TMPRSS15: variants seen among roughly 807,000 people sequenced by gnomAD.
The protein encoded by TMPRSS15 is enteropeptidase.
In TMPRSS15, 128 loss-of-function variants were observed where a neutral mutation model predicts 125.3. That is an observed-to-expected ratio of 1.02 (90% CI 0.89 to 1.18). The LOEUF is 1.18. TMPRSS15 is among the 50% of genes most tolerant of loss of function. The pLI is 0.00. For synonymous variants in TMPRSS15, 446 were observed against 423.2 expected, an observed-to-expected ratio of 1.05 and a Z score of -0.66; for missense variants, 1,283 against 1,212.7, an observed-to-expected ratio of 1.06 and a Z score of -0.86.
At chr21:18,334,417 A>G (rs1165147858) in intron 13 of TMPRSS15, among the ~76,000 whole-genome samples, 1 of 152,156 alleles carries the variant, frequency 6.6e-6, no homozygotes, top group Non-Finnish European at 1.5e-5. Context: ...ATGTTATCTC[A>G]TATGGGGAGA....
At chr21:18,367,906 A>AAT (rs765873849) in intron 6 of TMPRSS15, among the ~76,000 whole-genome samples, 61 of 152,190 alleles carry the variant, frequency 4.0e-4, no homozygotes, top group East Asian at 1.2e-3. Flanking sequence ...CTAATATCAC[A>AAT]ATATATATAT....
chr21:18,313,152 A>G, intron 17 of TMPRSS15, 75 bp from the exon 18 acceptor site: 2 of 995,620 alleles, frequency 2.0e-6, no homozygotes, highest in Non-Finnish European at 3.2e-6. Flanking sequence ...TCGTTCAAAG[A>G]GTACAGAGCT....
At position 18,289,024 on chromosome 21, in the gene TMPRSS15, G is replaced by A. The variant is rs182309862; in HGVS notation, c.2486+5246C>T. Among the ~76,000 whole-genome samples the A allele has an allele frequency of 1.1e-4, 17 of 152,058 alleles. No homozygotes were observed. In the East Asian group the frequency reaches 1.4e-3, roughly 12 times the overall value. On this transcript the variant is annotated intron_variant, in intron 21 of 24. Coordinates refer to ENST00000284885, the MANE Select transcript of TMPRSS15 (RefSeq NM_002772.3). ...TAGGATAAGTTTAAGAAGAAATTAA[G>A]TATTTAAAAATTATTGAATTGATAT...
intron 1 of TMPRSS15, among the ~76,000 whole-genome samples, chr21:18,436,443 T>G (rs1191010028): frequency 6.6e-6 from 1 of 152,144 alleles, no homozygotes; most frequent in African/African-American, 2.4e-5. Flanking sequence ...TGAGTGGTTT[T>G]GAGTGAGTTT....
intron 1 of TMPRSS15, among the ~76,000 whole-genome samples, chr21:18,446,065 A>G (rs542667495): frequency 3.3e-5 from 5 of 152,308 alleles, no homozygotes; most frequent in African/African-American, 1.2e-4. Flanking sequence ...AAACCTCAAG[A>G]CTCAACCAAA....
chr21:18,280,575 C>CAAAAAAAAAAAAAAAAAAAAAAAAAA (rs1230513414), intron 22 of TMPRSS15, among the ~76,000 whole-genome samples: 17 of 48,342 alleles, frequency 3.5e-4, no homozygotes, highest in African/African-American at 1.6e-3. Flanking sequence ...GACTCCGTCT[C>CAAAAAAAAAAAAAAAAAAAAAAAAAA]AAAAAAAAAA....
At chr21:18,397,786 C>A in intron 3 of TMPRSS15, 93 bp downstream of exon 3, 3 of 648,284 alleles carry the variant, frequency 4.6e-6, no homozygotes, top group East Asian at 3.0e-5. Flanking sequence ...TTTAAATATT[C>A]CTCTTTTCCT....
intron 1 of TMPRSS15, among the ~76,000 whole-genome samples, chr21:18,461,186 C>T (rs1036651970): frequency 2.0e-5 from 3 of 152,194 alleles, no homozygotes; most frequent in African/African-American, 7.2e-5. Context: ...GATCTCCATC[C>T]ATCACGATTG....
chr21:18,432,385 G>A (rs538811192), intron 1 of TMPRSS15, among the ~76,000 whole-genome samples: 3 of 152,206 alleles, frequency 2.0e-5, no homozygotes, highest in African/African-American at 7.2e-5. Context: ...GTTGAATTGT[G>A]CCTTGCCAAA....
At chr21:18,398,543 C>T (rs1161828417) in intron 1 of TMPRSS15, among the ~76,000 whole-genome samples, 1 of 152,028 alleles carries the variant, frequency 6.6e-6, no homozygotes, top group East Asian at 1.9e-4. Flanking sequence ...ACCTTTTCTC[C>T]ATTCTTTCAA....
At chr21:18,452,748 T>C (rs1486632277) in intron 1 of TMPRSS15, among the ~76,000 whole-genome samples, 1 of 73,856 alleles carries the variant, frequency 1.4e-5, no homozygotes, top group Non-Finnish European at 2.8e-5. Context: ...ACAATTTCAA[T>C]ATGAGCCAAT....
At chr21:18,471,831 C>T (rs1257820791) in intron 1 of TMPRSS15, among the ~76,000 whole-genome samples, 4 of 122,102 alleles carry the variant, frequency 3.3e-5, no homozygotes, top group Non-Finnish European at 7.3e-5. Context: ...AGCTTGGCCA[C>T]AGATGAGGGC....
In TMPRSS15 at chr21:18,352,940, A is replaced by C; in HGVS notation, c.1134T>G (p.Thr378=). 1 of 1,612,492 alleles carries C rather than the reference A, an allele frequency of 6.2e-7. No individual in the cohort carries two copies. The highest frequency in any genetic ancestry group is 8.5e-7 in the Non-Finnish European group (1 of 1,178,894). Residue 378 remains threonine (T), a synonymous_variant, in exon 10 of 25, where the codon ACT becomes ACG. Coordinates refer to ENST00000284885, the MANE Select transcript of TMPRSS15 (RefSeq NM_002772.3). ...RIQGSTFSPF[T]GPNFDHTFGN... is the part of the protein sequence containing the mutation. The stretch of plus-strand genomic sequence containing the variant: ...CAAAAGTGTGGTCAAAATTGGGTCC[A>C]GTAAAAGGAGAAAAGGTGCTTCCCT...
intron 1 of TMPRSS15, among the ~76,000 whole-genome samples, chr21:18,484,474 A>T (rs1183416948): frequency 6.6e-6 from 1 of 151,846 alleles, no homozygotes; most frequent in African/African-American, 2.4e-5. Context: ...AAAGGGAGAA[A>T]AATAGGCTAC....
intron 1 of TMPRSS15, among the ~76,000 whole-genome samples, chr21:18,445,566 A>G (rs1001117585): frequency 6.6e-6 from 1 of 152,156 alleles, no homozygotes; most frequent in East Asian, 1.9e-4. Flanking sequence ...ATTGCTGCAA[A>G]ATACTAGCAA....
chr21:18,455,248 T>C (rs922942440), intron 1 of TMPRSS15, among the ~76,000 whole-genome samples: 1 of 152,138 alleles, frequency 6.6e-6, no homozygotes, highest in Non-Finnish European at 1.5e-5. Flanking sequence ...TACCCTGTCT[T>C]GGGTATGTTT....
At chr21:18,285,000 CA>C (rs113014415) in intron 21 of TMPRSS15, among the ~76,000 whole-genome samples, 96,316 of 143,208 alleles carry the variant, frequency 0.67, 31,363 homozygotes, top group South Asian at 0.71. Flanking sequence ...AAACTCTGCC[CA>C]AAAAAAAAAA....
At chr21:18,291,851 G>C (rs1176263725) in intron 21 of TMPRSS15, among the ~76,000 whole-genome samples, 1 of 152,122 alleles carries the variant, frequency 6.6e-6, no homozygotes, top group Non-Finnish European at 1.5e-5. Flanking sequence ...ACTTACCTTT[G>C]CTTGTGCTTA....
intron 3 of TMPRSS15, among the ~76,000 whole-genome samples, chr21:18,386,602 T>C (rs1033714540): frequency 1.3e-5 from 2 of 152,172 alleles, no homozygotes; most frequent in African/African-American, 4.8e-5. Flanking sequence ...TTCCTCCTAC[T>C]CCTTTTTCTT....
Sources: gnomAD v4.1 joint callset for allele counts (sites outside exome capture counted in the v4.1 genomes callset) on GRCh38, gnomAD v4.1.1 for gene constraint, MANE v1.5 for transcripts, NCBI Gene and HGNC (gene_info 2026-07-23, HGNC 2026-07-21) for gene names.